CACNA1C: variants seen among roughly 807,000 people sequenced by gnomAD.
CACNA1C encodes the protein calcium voltage-gated channel subunit alpha1 C, also known as voltage-dependent L-type calcium channel subunit alpha-1C.
A neutral mutation model predicts 229.0 loss-of-function variants in CACNA1C; 30 were observed. The ratio of observed to expected loss-of-function variants is 0.13; its 90% confidence interval spans 0.10 to 0.18. The LOEUF (loss-of-function observed/expected upper bound fraction) is 0.18. Among genes scored for constraint, CACNA1C ranks in the 10% least tolerant of loss-of-function variants. The pLI, the probability that CACNA1C is intolerant of heterozygous loss-of-function variation, is 1.00. For synonymous variants in CACNA1C, 1,114 were observed against 1,132.5 expected, an observed-to-expected ratio of 0.98 and a Z score of 0.33; for missense variants, 1,658 against 2,845.0, an observed-to-expected ratio of 0.58 and a Z score of 9.49.
At chr12:2,005,136 A>G (rs1439984712) in intron 1 of CACNA1C, among the ~76,000 whole-genome samples, 7 of 144,636 alleles carry the variant, frequency 4.8e-5, no homozygotes, top group Non-Finnish European at 4.5e-5. Flanking sequence ...CTGCACTCTC[A>G]GTTACAAAAG....
chr12:2,465,286 A>G (rs190011304), intron 5 of CACNA1C, among the ~76,000 whole-genome samples: 42 of 152,360 alleles, frequency 2.8e-4, no homozygotes, highest in African/African-American at 1.0e-3. Flanking sequence ...TTTGAGACCA[A>G]AAATCACCAG....
chr12:2,627,119 C>G (rs540308805), intron 29 of CACNA1C, among the ~76,000 whole-genome samples: 31 of 152,248 alleles, frequency 2.0e-4, no homozygotes, highest in South Asian at 1.9e-3. Context: ...CACTCCTGCC[C>G]TTTGTCCAAG....
intron 13 of CACNA1C, among the ~76,000 whole-genome samples, chr12:2,574,187 G>A (rs962042345): frequency 2.6e-5 from 4 of 152,212 alleles, no homozygotes; most frequent in Non-Finnish European, 4.4e-5. Flanking sequence ...TGGGGCACAC[G>A]CATGGCCGGA....
At chr12:2,361,189 A>G (rs2097548840) in intron 3 of CACNA1C, among the ~76,000 whole-genome samples, 1 of 152,026 alleles carries the variant, frequency 6.6e-6, no homozygotes, top group African/African-American at 2.4e-5. Context: ...AAAAGCTCCA[A>G]TATCAATTTT....
rs1401390095 is a variant in CACNA1C at position 2,602,669 on chromosome 12, T to A, written c.2960+709T>A. 2.1e-5 allele frequency among the ~76,000 whole-genome samples: 3 copies of A among 143,838 alleles called. No individual in the cohort carries two copies. The highest frequency in any genetic ancestry group is 4.6e-5 in the Non-Finnish European group (3 of 65,042). 94.4% of individuals were successfully genotyped at this position (143,838 alleles called of 152,430 possible). A position where few individuals can be genotyped will look rare whatever the true frequency, so the allele number is the denominator to read the frequency against. On this transcript the variant is annotated intron_variant, in intron 22 of 46. Coordinates refer to ENST00000399655, the MANE Select transcript of CACNA1C (RefSeq NM_000719.7). The surrounding 1 kb of genome is among the most constrained non-coding windows in gnomAD (Gnocchi z 4.4). ...GTGTGTGTGTGTGTGTGTGTGTGTG[T>A]GAGTTTTTCATTTCACTGGTCTGGG... is the stretch of plus-strand genomic sequence containing the variant.
intron 3 of CACNA1C, among the ~76,000 whole-genome samples, chr12:2,174,135 T>C (rs2096575467): frequency 6.6e-6 from 1 of 151,862 alleles, no homozygotes; most frequent in African/African-American, 2.4e-5. Flanking sequence ...GAGAGGGACA[T>C]GTGTGGCTTT....
At position 2,218,539 on chromosome 12, in the gene CACNA1C, C is replaced by T. The variant is rs184354479; in HGVS notation, c.477+98109C>T. ...GAGGAAGCAGATGCATTACCAAGAGCGTGGAAAGAAGTCCTACGTCCAGCC... is the reference window on the plus strand; with the variant it reads ...GAGGAAGCAGATGCATTACCAAGAGTGTGGAAAGAAGTCCTACGTCCAGCC... On this transcript the variant is annotated intron_variant, in intron 3 of 46. Transcript: ENST00000399655. Among the ~76,000 whole-genome samples the T allele has an allele frequency of 2.2e-4, 34 of 152,192 alleles. No individual in the cohort carries two copies. In the East Asian group the frequency reaches 4.4e-3, roughly 20 times the overall value.
chr12:2,574,876 A>G (rs1206831392), intron 13 of CACNA1C, among the ~76,000 whole-genome samples: 34 of 152,234 alleles, frequency 2.2e-4, no homozygotes, highest in Admixed American at 2.2e-3. Context: ...GTGGCTGTCA[A>G]CACAATGGGT....
intron 1 of CACNA1C, among the ~76,000 whole-genome samples, chr12:1,980,249 A>G (rs2154464249): frequency 6.6e-6 from 1 of 152,374 alleles, no homozygotes. Flanking sequence ...ATAGACTGCA[A>G]TATAATGATG....
chr12:2,520,825 C>T (rs1598757494), intron 9 of CACNA1C, among the ~76,000 whole-genome samples: 1 of 150,938 alleles, frequency 6.6e-6, no homozygotes, highest in African/African-American at 2.5e-5. Flanking sequence ...TGGCCGTGTG[C>T]TTCAGAGGAG....
intron 3 of CACNA1C, among the ~76,000 whole-genome samples, chr12:2,367,097 C>G (rs1415327700): frequency 1.3e-5 from 2 of 152,178 alleles, no homozygotes; most frequent in Non-Finnish European, 2.9e-5. Context: ...TCACACCAGT[C>G]TCATGGAAGA....
At chr12:2,449,775 C>T (rs187701045) in intron 4 of CACNA1C, among the ~76,000 whole-genome samples, 4 of 152,352 alleles carry the variant, frequency 2.6e-5, no homozygotes, top group African/African-American at 9.6e-5. Flanking sequence ...TCTCAGACCA[C>T]ATCTGGCCCC....
chr12:2,201,459 C>T (rs780990188), intron 3 of CACNA1C, among the ~76,000 whole-genome samples: 1 of 152,238 alleles, frequency 6.6e-6, no homozygotes, highest in African/African-American at 2.4e-5. Flanking sequence ...CATGTCCATA[C>T]AGAGTCCCAG....
At position 2,617,146 on chromosome 12, in the gene CACNA1C, C is replaced by A. The variant is rs73241770; in HGVS notation, c.3828+5133C>A. Among the ~76,000 whole-genome samples the A allele has an allele frequency of 8.7e-3, 1,331 of 152,296 alleles. 18 individuals carry two copies. Among genetic ancestry groups the A allele is most frequent in the African/African-American group, 0.031 (1,278 of 41,564 alleles). On this transcript the variant is annotated intron_variant, in intron 29 of 46. Transcript: ENST00000399655. ...GAAAGAGGAGCGGTTTCTCCGGTCCCCCACCTGTTGTCCTGAGGAATCCAT... is the reference window on the plus strand; with the variant it reads ...GAAAGAGGAGCGGTTTCTCCGGTCCACCACCTGTTGTCCTGAGGAATCCAT...
intron 38 of CACNA1C, 28 bp from the exon 39 acceptor site, chr12:2,674,513 G>C: frequency 6.5e-7 from 1 of 1,549,862 alleles, no homozygotes; most frequent in Non-Finnish European, 8.7e-7. Flanking sequence ...GGCCCACCAA[G>C]GGGCTGAGGA....
chr12:2,024,078 GT>G (rs201763002), intron 1 of CACNA1C, among the ~76,000 whole-genome samples: 2,562 of 152,332 alleles, frequency 0.017, 27 homozygotes, highest in Non-Finnish European at 0.026. Flanking sequence ...ATTGACAGAT[GT>G]TGAGCTTGGG....
Position 2,694,014 on chromosome 12 carries a change from A to G in CACNA1C, c.*2815A>G, listed in dbSNP as rs2097817277. On this transcript the variant is annotated 3_prime_UTR_variant, in exon 47 of 47. Coordinates refer to ENST00000399655, the MANE Select transcript of CACNA1C (RefSeq NM_000719.7). Reference sequence around the variant, plus strand: ...AGTTTCTTTATGGATATCCACACCCAAGTCATCCAAACTTTCTTGATTCCT... The same window carrying G: ...AGTTTCTTTATGGATATCCACACCCGAGTCATCCAAACTTTCTTGATTCCT... 6.6e-6 allele frequency: 1 copy of G among 152,208 alleles called. No individual in the cohort carries two copies. Among genetic ancestry groups the G allele is most frequent in the Non-Finnish European group, 1.5e-5 (1 of 68,034 alleles). The allele number at this position is 152,208 out of a possible 1,614,324, so 9.4% of individuals were successfully genotyped here.
intron 1 of CACNA1C, among the ~76,000 whole-genome samples, chr12:2,099,105 G>A (rs561041399): frequency 6.6e-6 from 1 of 152,378 alleles, no homozygotes; most frequent in South Asian, 2.1e-4. Context: ...TAGTCTCGCT[G>A]CCGCTCACTC....
chr12:2,275,408 C>T lies in CACNA1C; in HGVS notation c.477+154978C>T, dbSNP rs1221908405. ...TCTTCCCGGAAGGCTCGTGCCCGCA[C>T]AGATTGTCTGGTGAGCCCGCCAGCT... On this transcript the variant is annotated intron_variant, in intron 3 of 46. Transcript: ENST00000399655. This position sits in a 1 kb window ranked among gnomAD's most constrained non-coding sequence, Gnocchi z 4.1. 6.6e-6 allele frequency among the ~76,000 whole-genome samples: 1 copy of T among 151,360 alleles called. No homozygotes were observed. The highest frequency in any genetic ancestry group is 1.9e-4 in the East Asian group (1 of 5,172).
Sources: gnomAD v4.1 joint callset for allele counts (sites outside exome capture counted in the v4.1 genomes callset) on GRCh38, gnomAD v4.1.1 for gene constraint, Gnocchi (gnomAD v3.1) non-coding constraint, MANE v1.5 for transcripts, NCBI Gene and HGNC (gene_info 2026-07-23, HGNC 2026-07-21) for gene names.